Variants in FRMD5 observed in about 807,000 individuals in gnomAD.
FRMD5 encodes the protein FERM domain containing 5.
Under a neutral mutation model 69.0 loss-of-function variants are expected in FRMD5, and 20 were observed. The observed-to-expected ratio is 0.29, with a 90% CI of 0.20 to 0.42. The LOEUF is 0.42. Among genes scored for constraint, FRMD5 ranks in the 10% least tolerant of loss-of-function variants. The probability of loss-of-function intolerance (pLI) is 1.00; values close to 1 mark genes in which losing one functional copy is unlikely to be tolerated. For missense variants in FRMD5, 595 were observed against 708.6 expected (o/e 0.84, Z 1.82); for synonymous variants, 271 against 260.1 (o/e 1.04, Z -0.40).
intron 1 of FRMD5, among the ~76,000 whole-genome samples, chr15:44,173,806 A>C (rs1360396996): frequency 2.6e-5 from 4 of 152,196 alleles, no homozygotes; most frequent in Non-Finnish European, 5.9e-5. Flanking sequence ...GAGCTGCCGC[A>C]TATGGCTGAA....
intron 1 of FRMD5, among the ~76,000 whole-genome samples, chr15:43,982,996 T>G (rs2090571666): frequency 6.6e-6 from 1 of 152,170 alleles, no homozygotes; most frequent in African/African-American, 2.4e-5. Flanking sequence ...AGTGGTGTGA[T>G]CTTGGCTCAC....
intron 1 of FRMD5, among the ~76,000 whole-genome samples, chr15:43,990,999 G>T (rs1033165308): frequency 5.9e-5 from 9 of 152,168 alleles, no homozygotes; most frequent in African/African-American, 1.7e-4. Flanking sequence ...CTATATATCA[G>T]AACAGATTTC....
At chr15:44,036,302 A>G (rs1051765215) in intron 1 of FRMD5, among the ~76,000 whole-genome samples, 10 of 152,052 alleles carry the variant, frequency 6.6e-5, no homozygotes, top group African/African-American at 9.6e-5. Context: ...AGTTCCTTCA[A>G]TTAGTCCCTC....
chr15:43,925,854 T>G (rs2089575317), intron 1 of FRMD5, among the ~76,000 whole-genome samples: 1 of 152,240 alleles, frequency 6.6e-6, no homozygotes, highest in African/African-American at 2.4e-5. Flanking sequence ...TGTCCCCTCT[T>G]CAGAGAGGCC....
chr15:43,934,567 A>G (rs1325326948), intron 1 of FRMD5, among the ~76,000 whole-genome samples: 1 of 152,248 alleles, frequency 6.6e-6, no homozygotes, highest in Non-Finnish European at 1.5e-5. Flanking sequence ...AAGAGTAACT[A>G]AACAGAATCC....
chr15:43,992,549 T>A (rs965020336), intron 1 of FRMD5, among the ~76,000 whole-genome samples: 14 of 152,076 alleles, frequency 9.2e-5, no homozygotes, highest in Non-Finnish European at 1.9e-4. Context: ...AGCTAATTTT[T>A]GTATTTTTAG....
At chr15:44,077,624 C>G (rs1281015054) in intron 1 of FRMD5, among the ~76,000 whole-genome samples, 1 of 151,784 alleles carries the variant, frequency 6.6e-6, no homozygotes, top group Non-Finnish European at 1.5e-5. Flanking sequence ...CCAGAAAATT[C>G]AAAAAAATGT....
chr15:43,945,236 A>G (rs561786600), intron 1 of FRMD5, among the ~76,000 whole-genome samples: 19 of 152,322 alleles, frequency 1.2e-4, no homozygotes, highest in African/African-American at 4.6e-4. Flanking sequence ...CAGTGGCATT[A>G]GGTGGTTGCT....
intron 1 of FRMD5, chr15:43,989,726 A>G: frequency 1.0e-6 from 1 of 1,004,396 alleles, no homozygotes; most frequent in South Asian, 1.3e-5. Context: ...ATCGTAGTCC[A>G]TCACGATGTC....
intron 1 of FRMD5, among the ~76,000 whole-genome samples, chr15:44,171,793 T>G (rs907353013): frequency 3.3e-5 from 5 of 152,162 alleles, no homozygotes; most frequent in African/African-American, 1.2e-4. Context: ...AGACAGAGTC[T>G]CGCTCTGTCA....
intron 2 of FRMD5, among the ~76,000 whole-genome samples, chr15:43,920,457 T>C (rs2089474912): frequency 6.6e-6 from 1 of 152,222 alleles, no homozygotes; most frequent in East Asian, 1.9e-4. Flanking sequence ...ACGTGTAGGA[T>C]AGTACCTTCT....
intron 1 of FRMD5, among the ~76,000 whole-genome samples, chr15:44,076,387 T>C (rs907347535): frequency 2.7e-5 from 4 of 148,190 alleles, no homozygotes; most frequent in African/African-American, 1.0e-4. Flanking sequence ...TGTCCAACAA[T>C]GATAGACTGG....
At chr15:44,159,260 G>A (rs1389125008) in intron 1 of FRMD5, among the ~76,000 whole-genome samples, 2 of 152,100 alleles carry the variant, frequency 1.3e-5, no homozygotes, top group Non-Finnish European at 2.9e-5. Flanking sequence ...ATACACACAC[G>A]TTTGGGAGGG....
At chr15:44,133,199 C>A (rs565968364) in intron 1 of FRMD5, among the ~76,000 whole-genome samples, 3 of 141,122 alleles carry the variant, frequency 2.1e-5, no homozygotes, top group Non-Finnish European at 4.6e-5. Flanking sequence ...GGCGACACTG[C>A]GAGACTCCGT....
chr15:44,018,802 C>G (rs561239620), intron 1 of FRMD5, among the ~76,000 whole-genome samples: 1 of 152,270 alleles, frequency 6.6e-6, no homozygotes, highest in African/African-American at 2.4e-5. Flanking sequence ...TCTTACTGAC[C>G]TAGGCAGTTT....
intron 1 of FRMD5, among the ~76,000 whole-genome samples, chr15:44,127,293 T>C (rs559220166): frequency 1.3e-5 from 2 of 152,334 alleles, no homozygotes; most frequent in African/African-American, 2.4e-5. Context: ...GGTTTCGCCA[T>C]GTTGGCCAGC....
chr15:44,021,942 A>G (rs1235743992), intron 1 of FRMD5, among the ~76,000 whole-genome samples: 1 of 152,268 alleles, frequency 6.6e-6, no homozygotes, highest in African/African-American at 2.4e-5. Context: ...ATACAATGGA[A>G]TAGTATTTAG....
At chr15:44,012,820 G>A (rs981686721) in intron 1 of FRMD5, among the ~76,000 whole-genome samples, 3 of 143,838 alleles carry the variant, frequency 2.1e-5, no homozygotes, top group Non-Finnish European at 3.0e-5. Flanking sequence ...AGGCTGGAGT[G>A]CAATGGCACA....
intron 8 of FRMD5, among the ~76,000 whole-genome samples, chr15:43,889,935 A>T (rs1425559675): frequency 6.6e-6 from 1 of 152,178 alleles, no homozygotes; most frequent in East Asian, 1.9e-4. Context: ...AGGAAATAGT[A>T]GAAAGGTAGC....
Sources: gnomAD v4.1 joint callset for allele counts (sites outside exome capture counted in the v4.1 genomes callset) on GRCh38, gnomAD v4.1.1 for gene constraint, MANE v1.5 for transcripts, NCBI Gene and HGNC (gene_info 2026-07-23, HGNC 2026-07-21) for gene names.